Variants in HDAC1 observed in about 807,000 individuals in gnomAD.
HDAC1 encodes protein deacetylase HDAC1.
HDAC1 carries 18 observed loss-of-function variants against 65.5 expected under a neutral mutation model. That is an observed-to-expected ratio of 0.27 (90% CI 0.19 to 0.41). HDAC1 has a LOEUF of 0.41. Among genes scored for constraint, HDAC1 ranks in the 10% least tolerant of loss-of-function variants. The probability of loss-of-function intolerance (pLI) is 1.00; values close to 1 mark genes in which losing one functional copy is unlikely to be tolerated. For missense variants in HDAC1, 373 were observed against 625.2 expected, an observed-to-expected ratio of 0.60 and a Z score of 4.30; for synonymous variants, 211 against 227.9, an observed-to-expected ratio of 0.93 and a Z score of 0.67.
chr1:32,324,397 T>G, intron 3 of HDAC1, 82 bp from the exon 4 acceptor site: 2 of 932,104 alleles, frequency 2.1e-6, no homozygotes, highest in South Asian at 2.7e-5. Context: ...TGAATTTAAA[T>G]TCTGTGTTTT....
intron 1 of HDAC1, among the ~76,000 whole-genome samples, chr1:32,296,570 G>A (rs1640769136): frequency 1.3e-5 from 2 of 152,050 alleles, no homozygotes; most frequent in Admixed American, 1.3e-4. Flanking sequence ...TTAGAGACAG[G>A]ATTTCGCCAT....
intron 3 of HDAC1, among the ~76,000 whole-genome samples, chr1:32,322,648 CT>C (rs1352239535): frequency 7.9e-5 from 12 of 152,300 alleles, no homozygotes; most frequent in African/African-American, 2.4e-4. Context: ...TCCAGGTGTG[CT>C]TTCCTTCCTG....
In HDAC1 at chr1:32,332,699, A is replaced by G; in HGVS notation, c.1373-2A>G. 1 of 1,554,182 alleles carries G rather than the reference A, an allele frequency of 6.4e-7. No individual in the cohort carries two copies. Among genetic ancestry groups the G allele is most frequent in the Non-Finnish European group, 8.7e-7 (1 of 1,148,008 alleles). Reference sequence around the variant, plus strand: ...GGCCATCCCTGTACTCTTGTGTTCTAGAAGTCACCGAAGAGGAGAAAACCA... The same window carrying G: ...GGCCATCCCTGTACTCTTGTGTTCTGGAAGTCACCGAAGAGGAGAAAACCA... On this transcript the variant is annotated splice_acceptor_variant, in intron 12 of 13. Transcript: ENST00000373548. LOFTEE classifies it high-confidence loss of function.
In HDAC1 at chr1:32,331,452, T is replaced by G; in HGVS notation, c.980-22T>G. On this transcript the variant is annotated intron_variant, in intron 9 of 13. Coordinates refer to ENST00000373548, the MANE Select transcript of HDAC1 (RefSeq NM_004964.3). The surrounding 1 kb of genome is among the most constrained non-coding windows in gnomAD (Gnocchi z 4.2). ...GTGCGGTGGCCAGGTCTCTTGACGG[T>G]CTTCTCTCCTGCCCCAATCAGAGCT... 1 of 1,426,536 alleles carries G rather than the reference T, an allele frequency of 7.0e-7. No individual in the cohort carries two copies. The highest frequency in any genetic ancestry group is 1.7e-5 in the Admixed American group (1 of 59,718). 88.4% of individuals were successfully genotyped at this position (1,426,536 alleles called of 1,614,324 possible).
Position 32,327,908 on chromosome 1 carries a change from T to A in HDAC1, c.636+231T>A, listed in dbSNP as rs1641241177. ...AGGGGTCTCCTGACTCACTGTACTT[T>A]CCTCCTGGCCACAGCTGGGTTGCAT... On this transcript the variant is annotated intron_variant, in intron 6 of 13. Coordinates refer to ENST00000373548, the MANE Select transcript of HDAC1 (RefSeq NM_004964.3). This position sits in a 1 kb window ranked among gnomAD's most constrained non-coding sequence, Gnocchi z 6.0. Among the ~76,000 whole-genome samples the A allele has an allele frequency of 6.6e-6, 1 of 152,168 alleles. No individual in the cohort carries two copies. The highest frequency in any genetic ancestry group is 1.5e-5 in the Non-Finnish European group (1 of 68,028).
chr1:32,329,963 G>T lies in HDAC1; in HGVS notation c.730-615G>T. ...GGAGGAGTGCTGAAGGAGGCGGTGGGAAGTGTATGCTGGGCTCAGTATTTC... is the reference window on the plus strand; with the variant it reads ...GGAGGAGTGCTGAAGGAGGCGGTGGTAAGTGTATGCTGGGCTCAGTATTTC... On this transcript the variant is annotated intron_variant, in intron 7 of 13. Transcript: ENST00000373548. The surrounding 1 kb of genome is among the most constrained non-coding windows in gnomAD (Gnocchi z 4.1). The T allele has an allele frequency of 6.5e-6, 1 of 153,980 alleles. No homozygotes were observed. The highest frequency in any genetic ancestry group is 6.4e-5 in the Admixed American group (1 of 15,592). The allele number at this position is 153,980 out of a possible 1,614,324, so 9.5% of individuals were successfully genotyped here.
chr1:32,323,417 C>G (rs563642654), intron 3 of HDAC1, among the ~76,000 whole-genome samples: 2 of 152,170 alleles, frequency 1.3e-5, no homozygotes, highest in East Asian at 3.9e-4. Context: ...TTTTTTGAGA[C>G]AGGGTCTCAC....
intron 2 of HDAC1, among the ~76,000 whole-genome samples, chr1:32,308,973 G>A (rs1256904833): frequency 6.6e-6 from 1 of 152,026 alleles, no homozygotes; most frequent in East Asian, 1.9e-4. Context: ...TACTATACCT[G>A]GCTAATTTTT....
intron 1 of HDAC1, among the ~76,000 whole-genome samples, chr1:32,294,332 A>G (rs1314936627): frequency 4.0e-5 from 6 of 150,944 alleles, no homozygotes; most frequent in Admixed American, 3.3e-4. Context: ...TATTTTTATT[A>G]GAGATGGGGT....
At chr1:32,311,435 C>G (rs1372357691) in intron 2 of HDAC1, among the ~76,000 whole-genome samples, 1 of 152,014 alleles carries the variant, frequency 6.6e-6, no homozygotes, top group Non-Finnish European at 1.5e-5. Flanking sequence ...CCATTACACT[C>G]CAGCCTGGGT....
intron 2 of HDAC1, among the ~76,000 whole-genome samples, chr1:32,315,732 G>C (rs1641051991): frequency 6.6e-6 from 1 of 150,746 alleles, no homozygotes; most frequent in African/African-American, 2.4e-5. Flanking sequence ...TTGGGAGGCC[G>C]AGGAGGGCGG....
At chr1:32,306,305 T>C (rs1444181478) in intron 2 of HDAC1, among the ~76,000 whole-genome samples, 1 of 151,798 alleles carries the variant, frequency 6.6e-6, no homozygotes, top group Non-Finnish European at 1.5e-5. Context: ...ATTACAGGCA[T>C]GCGCCACCAC....
rs1481960492 is a variant in HDAC1 at position 32,329,292 on chromosome 1, C to G, written c.729+132C>G. On this transcript the variant is annotated intron_variant, in intron 7 of 13. Transcript: ENST00000373548. This position sits in a 1 kb window ranked among gnomAD's most constrained non-coding sequence, Gnocchi z 4.1. ...GGTGGGGAGATAGAAGTGTTTGAAC[C>G]CTGGATTGCTGTGTGGTCAGTTAGG... 1 of 695,256 alleles carries G rather than the reference C, an allele frequency of 1.4e-6. No individual in the cohort carries two copies. Among genetic ancestry groups the G allele is most frequent in the African/African-American group, 1.8e-5 (1 of 56,914 alleles). 43.1% of individuals were successfully genotyped at this position (695,256 alleles called of 1,614,324 possible).
chr1:32,326,932 T>G lies in HDAC1; in HGVS notation c.356-7T>G. The G allele has an allele frequency of 6.2e-7, 1 of 1,613,868 alleles. No homozygotes were observed. The highest frequency in any genetic ancestry group is 8.5e-7 in the Non-Finnish European group (1 of 1,179,966). ...AACAGGCTTATGTTCTCTTTTCTCA[T>G]GCCCAGCAAGTGCTGTGAAACTTAA... On this transcript the variant is annotated splice_region_variant and splice_polypyrimidine_tract_variant and intron_variant, in intron 4 of 13. Transcript: ENST00000373548.
intron 3 of HDAC1, 98 bp downstream of exon 3, chr1:32,316,880 T>C: frequency 1.3e-6 from 1 of 765,310 alleles, no homozygotes; most frequent in Non-Finnish European, 2.3e-6. Flanking sequence ...TCCCATTCAG[T>C]GGACACCTGA....
chr1:32,330,720 G>A lies in HDAC1; in HGVS notation c.838+34G>A, dbSNP rs1026004931. 2 of 1,613,810 alleles carry A rather than the reference G, an allele frequency of 1.2e-6. No homozygotes were observed. Among genetic ancestry groups the A allele is most frequent in the South Asian group, 1.1e-5 (1 of 91,072 alleles). On this transcript the variant is annotated intron_variant, in intron 8 of 13. Transcript: ENST00000373548. This position sits in a 1 kb window ranked among gnomAD's most constrained non-coding sequence, Gnocchi z 4.2. The stretch of plus-strand genomic sequence containing the variant: ...AGGTAGCACAAGGATGGGTGGGCGG[G>A]GTCCTGCTTGGTGCTCCTGTAACTC...
chr1:32,332,959 C>T lies in HDAC1; in HGVS notation c.1422-58C>T, dbSNP rs1641317659. 3.8e-6 allele frequency: 6 copies of T among 1,581,186 alleles called. No individual in the cohort carries two copies. The South Asian group carries it at 6.7e-5, about 18-fold the overall frequency. ...GATCCTGTGGAAGTCACTGTCTGCA[C>T]TTTTGCCCTGAGGCTCTGGGCTGGG... On this transcript the variant is annotated intron_variant, in intron 13 of 13. Transcript: ENST00000373548.
At chr1:32,303,342 G>C (rs193182729) in intron 2 of HDAC1, among the ~76,000 whole-genome samples, 1,795 of 152,152 alleles carry the variant, frequency 0.012, 11 homozygotes, top group South Asian at 0.021. Context: ...CTGTAGTCCC[G>C]GCTACTTAGG....
rs1309463896 is a variant in HDAC1 at position 32,331,541 on chromosome 1, T to C, written c.1047T>C (p.Asn349=). 2 of 1,612,472 alleles carry C rather than the reference T, an allele frequency of 1.2e-6. No individual in the cohort carries two copies. Among genetic ancestry groups the C allele is most frequent in the East Asian group, 2.2e-5 (1 of 44,870 alleles). ...TCAAGCTCCACATCAGTCCTTCCAA[T>C]ATGACTAACCAGAACACGAATGAGT... The part of the protein sequence containing the change: ...PDFKLHISPS[N]MTNQNTNEYL... The change falls in exon 10 of 14, where the codon AAT becomes AAC. Residue 349 remains asparagine (N), a synonymous_variant. Transcript: ENST00000373548. The surrounding 1 kb of genome is among the most constrained non-coding windows in gnomAD (Gnocchi z 4.2).
Sources: allele counts gnomAD v4.1 joint callset (sites outside exome capture counted in the v4.1 genomes callset), GRCh38; gene constraint gnomAD v4.1.1; non-coding constraint Gnocchi (gnomAD v3.1); transcripts MANE v1.5; gene names NCBI Gene and HGNC (gene_info 2026-07-23, HGNC 2026-07-21).